PCDH15: variants seen among roughly 807,000 people sequenced by gnomAD.
PCDH15 encodes protocadherin-15.
Under a neutral mutation model 178.5 loss-of-function variants are expected in PCDH15, and 129 were observed. The ratio of observed to expected loss-of-function variants is 0.72; its 90% CI spans 0.63 to 0.84. The LOEUF (loss-of-function observed/expected upper bound fraction) is 0.84. Among genes scored for constraint, PCDH15 ranks in the 40% least tolerant of loss-of-function variants. The pLI is 0.00. For missense variants in PCDH15, 2,230 were observed against 2,099.9 expected (o/e 1.06, Z -1.21); for synonymous variants, 800 against 732.0 (o/e 1.09, Z -1.50).
chr10:54,764,768 C>A (rs1302042738), intron 1 of PCDH15, among the ~76,000 whole-genome samples: 3 of 151,952 alleles, frequency 2.0e-5, no homozygotes, highest in Non-Finnish European at 4.4e-5. Context: ...GAAGTGAAGA[C>A]AATGAATAGT....
intron 11 of PCDH15, among the ~76,000 whole-genome samples, chr10:54,191,048 A>G (rs902676273): frequency 3.9e-5 from 6 of 152,180 alleles, no homozygotes. Flanking sequence ...CTTGTGAAAT[A>G]CTTAATGCAA....
intron 1 of PCDH15, among the ~76,000 whole-genome samples, chr10:54,724,173 T>C (rs1016685007): frequency 4.0e-5 from 6 of 151,684 alleles, no homozygotes; most frequent in African/African-American, 1.5e-4. Context: ...ATAAGGAAAA[T>C]GTGGTGTATA....
chr10:55,494,184 T>A (rs554170289), intron 2 of PCDH15, among the ~76,000 whole-genome samples: 1 of 151,824 alleles, frequency 6.6e-6, no homozygotes, highest in Admixed American at 6.6e-5. Flanking sequence ...ATCTTCAGCA[T>A]AATTCTACCC....
intron 1 of PCDH15, among the ~76,000 whole-genome samples, chr10:54,781,370 G>C (rs373345440): frequency 6.6e-6 from 1 of 151,940 alleles, no homozygotes; most frequent in East Asian, 1.9e-4. Context: ...GAGATCCATA[G>C]TACTCACAAA....
chr10:54,581,519 G>T (rs2091036813), intron 2 of PCDH15, among the ~76,000 whole-genome samples: 1 of 151,970 alleles, frequency 6.6e-6, no homozygotes, highest in Non-Finnish European at 1.5e-5. Context: ...GCAATTTACA[G>T]ATTCAATGCT....
At chr10:54,620,733 G>A (rs1937403) in intron 2 of PCDH15, among the ~76,000 whole-genome samples, 113,072 of 151,856 alleles carry the variant, frequency 0.74, 42,448 homozygotes, top group Non-Finnish European at 0.79. Context: ...TATGTTTTCT[G>A]TACATCCTGT....
chr10:54,192,107 GAAAAAAAAA>G (rs35501378), intron 11 of PCDH15, among the ~76,000 whole-genome samples: 24 of 90,398 alleles, frequency 2.7e-4, no homozygotes, highest in African/African-American at 1.1e-3. Flanking sequence ...AAGGAAGAAA[GAAAAAAAAA>G]AAAGAAAGAA....
At chr10:54,108,715 A>G (rs1342710816) in intron 15 of PCDH15, among the ~76,000 whole-genome samples, 1 of 152,172 alleles carries the variant, frequency 6.6e-6, no homozygotes, top group Non-Finnish European at 1.5e-5. Flanking sequence ...CACAACTCAC[A>G]GGTCAGGGGG....
At chr10:55,482,983 A>G (rs1840214641) in intron 2 of PCDH15, among the ~76,000 whole-genome samples, 1 of 151,746 alleles carries the variant, frequency 6.6e-6, no homozygotes, top group Non-Finnish European at 1.5e-5. Context: ...ATGCAGAGCA[A>G]TGAAAATGGA....
At chr10:55,262,052 AAGGG>A (rs1460673027) in intron 1 of PCDH15, among the ~76,000 whole-genome samples, 175 of 145,212 alleles carry the variant, frequency 1.2e-3, no homozygotes, top group African/African-American at 4.0e-3. Context: ...GGGAAAAAGG[AAGGG>A]AGGGAGGGAA....
intron 25 of PCDH15, among the ~76,000 whole-genome samples, chr10:53,918,131 A>T (rs2133847926): frequency 6.6e-6 from 1 of 152,266 alleles, no homozygotes; most frequent in East Asian, 1.9e-4. Flanking sequence ...CCTAATACAC[A>T]AACCAAATAT....
intron 24 of PCDH15, 132 bp downstream of exon 24, chr10:53,940,734 C>A (rs1186066558): frequency 1.5e-5 from 11 of 726,394 alleles, no homozygotes; most frequent in Non-Finnish European, 2.7e-5. Flanking sequence ...ACATGGTTAA[C>A]AATTACATTT....
chr10:55,504,429 A>G (rs909722912), intron 2 of PCDH15, among the ~76,000 whole-genome samples: 1 of 151,480 alleles, frequency 6.6e-6, no homozygotes. Flanking sequence ...CTCAAAGACA[A>G]AAACTGTAAA....
intron 15 of PCDH15, among the ~76,000 whole-genome samples, chr10:54,095,762 C>G (rs1057175492): frequency 3.3e-5 from 5 of 152,020 alleles, no homozygotes; most frequent in African/African-American, 1.2e-4. Context: ...AGGAAAAATA[C>G]CTAGACTTCC....
chr10:55,477,014 GGTTAT>G (rs1225267207), intron 2 of PCDH15, among the ~76,000 whole-genome samples: 1 of 151,716 alleles, frequency 6.6e-6, no homozygotes, highest in Non-Finnish European at 1.5e-5. Flanking sequence ...GAAGTGCCAA[GGTTAT>G]GTTATATTTT....
chr10:54,965,629 A>G (rs1486457545), intron 2 of PCDH15, among the ~76,000 whole-genome samples: 1 of 145,052 alleles, frequency 6.9e-6, no homozygotes, highest in African/African-American at 2.5e-5. Context: ...ATATATATAT[A>G]TATATATATG....
intron 1 of PCDH15, among the ~76,000 whole-genome samples, chr10:54,672,794 C>G (rs1002137981): frequency 6.6e-6 from 1 of 151,926 alleles, no homozygotes. Context: ...CTAGTTACAA[C>G]TTTTCTGTTT....
intron 1 of PCDH15, among the ~76,000 whole-genome samples, chr10:55,275,789 C>T (rs1275284953): frequency 6.6e-6 from 1 of 150,684 alleles, no homozygotes; most frequent in African/African-American, 2.4e-5. Flanking sequence ...TGTCAAAATC[C>T]ATGAAAAGTC....
chr10:55,229,028 T>A (rs1841136559), intron 1 of PCDH15, among the ~76,000 whole-genome samples: 1 of 151,932 alleles, frequency 6.6e-6, no homozygotes, highest in South Asian at 2.1e-4. Context: ...AATATCATAT[T>A]TTTCCTCAAG....
Sources: allele counts gnomAD v4.1 joint callset (sites outside exome capture counted in the v4.1 genomes callset), GRCh38; gene constraint gnomAD v4.1.1; transcripts MANE v1.5; gene names NCBI Gene and HGNC (gene_info 2026-07-23, HGNC 2026-07-21).